The following ATP2C2 variants were observed in gnomAD, a reference collection of about 807,000 sequenced individuals.
ATP2C2 encodes the protein calcium-transporting ATPase type 2C member 2.
Under a neutral mutation model 110.8 loss-of-function variants are expected in ATP2C2, and 171 were observed. The observed-to-expected ratio is 1.54, with a 90% CI of 1.36 to 1.75. The LOEUF is 1.75. Among genes scored for constraint, ATP2C2 ranks in the 40% most tolerant of loss-of-function variants. The pLI, the probability that ATP2C2 is intolerant of heterozygous loss-of-function variation, is 0.00. For missense variants in ATP2C2, 1,963 were observed against 1,235.0 expected, an observed-to-expected ratio of 1.59 and a Z score of -8.84; for synonymous variants, 804 against 508.4, an observed-to-expected ratio of 1.58 and a Z score of -7.82.
intron 2 of ATP2C2, among the ~76,000 whole-genome samples, chr16:84,404,259 G>C (rs1054539270): frequency 6.6e-6 from 1 of 152,204 alleles, no homozygotes; most frequent in African/African-American, 2.4e-5. Context: ...AAGACCCACA[G>C]TCAGCAAAGC....
chr16:84,463,175 G>C (rs537631731), intron 26 of ATP2C2, among the ~76,000 whole-genome samples: 130 of 150,686 alleles, frequency 8.6e-4, no homozygotes, highest in South Asian at 4.5e-3. Flanking sequence ...GACAGGAGCA[G>C]AGGGAGACGC....
chr16:84,428,630 A>G (rs1567717016), intron 11 of ATP2C2, among the ~76,000 whole-genome samples: 1 of 152,206 alleles, frequency 6.6e-6, no homozygotes, highest in South Asian at 2.1e-4. Flanking sequence ...AAAGCAAAAT[A>G]CAAATGACAG....
chr16:84,448,861 G>C (rs1191376790), intron 17 of ATP2C2, among the ~76,000 whole-genome samples, 172 bp downstream of exon 17: 1 of 152,164 alleles, frequency 6.6e-6, no homozygotes, highest in Admixed American at 6.5e-5. Flanking sequence ...AAGGCACAGA[G>C]GTCCCCACCT....
At chr16:84,396,182 T>C (rs1597755115) in intron 1 of ATP2C2, among the ~76,000 whole-genome samples, 1 of 152,170 alleles carries the variant, frequency 6.6e-6, no homozygotes, top group East Asian at 1.9e-4. Flanking sequence ...GCTCTTATCC[T>C]GAGAGCACTG....
At chr16:84,385,986 T>C (rs1904315445) in intron 1 of ATP2C2, among the ~76,000 whole-genome samples, 1 of 152,260 alleles carries the variant, frequency 6.6e-6, no homozygotes, top group Non-Finnish European at 1.5e-5. Flanking sequence ...TGATGCTTCA[T>C]TGTCTTAATT....
Position 84,453,236 on chromosome 16 carries a change from G to C in ATP2C2, c.1929+1G>C. ...CGAGCTGGCCGACCGCGTGGGGAAG[G>C]TGGGTCCCCGGAGGCTTGGCTGGCA... On this transcript the variant is annotated splice_donor_variant, in intron 19 of 26. Transcript: ENST00000262429. LOFTEE classifies it high-confidence loss of function. The C allele has an allele frequency of 6.2e-7, 1 of 1,614,056 alleles. No homozygotes were observed. Among genetic ancestry groups the C allele is most frequent in the Non-Finnish European group, 8.5e-7 (1 of 1,179,930 alleles).
intron 21 of ATP2C2, among the ~76,000 whole-genome samples, 191 bp from the exon 22 acceptor site, chr16:84,458,929 C>G (rs538809310): frequency 6.6e-6 from 1 of 152,094 alleles, no homozygotes; most frequent in Admixed American, 6.5e-5. Flanking sequence ...TCCCAGTGGC[C>G]GAGGGGCACC....
At chr16:84,396,348 C>G (rs1041969977) in intron 1 of ATP2C2, among the ~76,000 whole-genome samples, 1 of 151,848 alleles carries the variant, frequency 6.6e-6, no homozygotes, top group Middle Eastern at 3.2e-3. Context: ...AAATTTGAGA[C>G]CAGCCTGGCC....
rs59134306 is a variant in ATP2C2 at position 84,389,490 on chromosome 16, C to T, written c.100-9009C>T. ...TCAAACAATAAGTGCACGCTTGTCC[C>T]ATGCGGTACTCGTGTATACTGGAAA... On this transcript the variant is annotated intron_variant, in intron 1 of 26. Transcript: ENST00000262429. 4.7e-3 allele frequency among the ~76,000 whole-genome samples: 714 copies of T among 152,338 alleles called. 10 individuals are homozygous for T. Among genetic ancestry groups the T allele is most frequent in the African/African-American group, 0.016 (682 of 41,562 alleles).
chr16:84,460,853 G>T (rs746207563), intron 24 of ATP2C2, 52 bp downstream of exon 24: 305 of 1,551,260 alleles, frequency 2.0e-4, no homozygotes, highest in Non-Finnish European at 2.6e-4. Flanking sequence ...CGGTGCAGAC[G>T]CTGGGGACTG....
At chr16:84,448,833 A>T (rs1302002259) in intron 17 of ATP2C2, 144 bp downstream of exon 17, 3 of 1,141,674 alleles carry the variant, frequency 2.6e-6, no homozygotes, top group Non-Finnish European at 1.2e-6. Flanking sequence ...GTGTGCTTGG[A>T]ACCTGATGGT....
chr16:84,410,373 C>T (rs556207759), intron 4 of ATP2C2, among the ~76,000 whole-genome samples, 195 bp from the exon 5 acceptor site: 7 of 152,226 alleles, frequency 4.6e-5, no homozygotes, highest in South Asian at 2.1e-4. Flanking sequence ...GAAATGTGCA[C>T]GTCTGGGTGG....
At chr16:84,401,805 C>T (rs1905340157) in intron 2 of ATP2C2, among the ~76,000 whole-genome samples, 1 of 152,106 alleles carries the variant, frequency 6.6e-6, no homozygotes, top group Non-Finnish European at 1.5e-5. Context: ...ATAGCTTTGG[C>T]TATTCTGGGT....
intron 21 of ATP2C2, 142 bp downstream of exon 21, chr16:84,455,126 G>A: frequency 2.7e-6 from 3 of 1,120,506 alleles, no homozygotes; most frequent in Non-Finnish European, 2.5e-6. Flanking sequence ...TCGTCAGTGT[G>A]GCAGGTGCCC....
In ATP2C2 at chr16:84,427,388, C is replaced by G. The variant is rs1479191600; in HGVS notation, c.986+1587C>G. ...TCCTAGGTGAAAGAAGCCAGTTGCA[C>G]ATGTTATATGATTTTATTTATATAA... On this transcript the variant is annotated intron_variant, in intron 11 of 26. Coordinates refer to ENST00000262429, the MANE Select transcript of ATP2C2 (RefSeq NM_014861.4). Among the ~76,000 whole-genome samples, 3 of 152,258 alleles carry G rather than the reference C, an allele frequency of 2.0e-5. No homozygotes were observed. In the East Asian group the frequency reaches 5.8e-4, roughly 29 times the overall value.
In ATP2C2 at chr16:84,429,942, C is replaced by G. The variant is rs74603052; in HGVS notation, c.986+4141C>G. ...CCAAATGCTTCTCAGCTTCTGGTGT[C>G]ACAGGCAGTCCTGAGCACATAGATA... On this transcript the variant is annotated intron_variant, in intron 11 of 26. Coordinates refer to ENST00000262429, the MANE Select transcript of ATP2C2 (RefSeq NM_014861.4). Among the ~76,000 whole-genome samples the G allele has an allele frequency of 3.3e-5, 5 of 152,308 alleles. No individual in the cohort carries two copies. The East Asian group carries it at 9.6e-4, about 29-fold the overall frequency.
chr16:84,445,280 C>T (rs1406742851), intron 15 of ATP2C2, among the ~76,000 whole-genome samples: 1 of 151,776 alleles, frequency 6.6e-6, no homozygotes, highest in African/African-American at 2.4e-5. Flanking sequence ...TTGATCTCCG[C>T]TCACTGCAAC....
rs571813048 is a variant in ATP2C2, at chr16:84,463,861, C to CTT, written c.*130_*131dup. On this transcript the variant is annotated 3_prime_UTR_variant, in exon 27 of 27. Coordinates refer to ENST00000262429, the MANE Select transcript of ATP2C2 (RefSeq NM_014861.4). ...TTCCATCACCGGATCAGTTTTTCCT[C>CTT]TTAGGAAAGCTGCAGGAACCTCGTG... 8.8e-4 allele frequency: 739 copies of CTT among 836,450 alleles called. 13 individuals are homozygous for CTT. The South Asian group carries it at 0.011, about 13-fold the overall frequency. 51.8% of individuals were successfully genotyped at this position (836,450 alleles called of 1,614,324 possible).
chr16:84,397,315 AACCAGGCTGTGAT>A (rs1273289169), intron 1 of ATP2C2, among the ~76,000 whole-genome samples: 1 of 151,580 alleles, frequency 6.6e-6, no homozygotes, highest in Non-Finnish European at 1.5e-5. Flanking sequence ...TGTCCCATAG[AACCAGGCTGTGAT>A]ACCACCTATC....
Sources: allele counts gnomAD v4.1 joint callset (sites outside exome capture counted in the v4.1 genomes callset), GRCh38; gene constraint gnomAD v4.1.1; transcripts MANE v1.5; gene names NCBI Gene and HGNC (gene_info 2026-07-23, HGNC 2026-07-21).